Variants in ATXN2 observed in about 807,000 individuals in gnomAD.
The protein encoded by ATXN2 is ataxin 2, also known as ataxin-2.
In ATXN2, 37 loss-of-function variants were observed where a neutral mutation model predicts 138.6. The observed-to-expected ratio is 0.27, with a 90% confidence interval of 0.21 to 0.35. ATXN2 has a LOEUF of 0.35. Ranked by LOEUF, ATXN2 falls within the 10% of genes least tolerant of loss-of-function variation. ATXN2 has a pLI of 1.00. For missense variants in ATXN2, 1,216 were observed against 1,480.3 expected, an observed-to-expected ratio of 0.82 and a Z score of 2.93; for synonymous variants, 549 against 543.7, an observed-to-expected ratio of 1.01 and a Z score of -0.13.
At chr12:111,491,837 G>A (rs1002308250) in intron 14 of ATXN2, among the ~76,000 whole-genome samples, 1 of 152,140 alleles carries the variant, frequency 6.6e-6, no homozygotes, top group African/African-American at 2.4e-5. Flanking sequence ...GGTGAGAGAA[G>A]AGTAAAAAGG....
At chr12:111,525,676 C>T (rs2135747657) in intron 5 of ATXN2, among the ~76,000 whole-genome samples, 1 of 145,466 alleles carries the variant, frequency 6.9e-6, no homozygotes, top group South Asian at 2.2e-4. Context: ...AATTTTAAGC[C>T]ACACGAAGCA....
chr12:111,547,141 C>T (rs777914223), intron 5 of ATXN2, among the ~76,000 whole-genome samples: 3 of 152,136 alleles, frequency 2.0e-5, no homozygotes, highest in Admixed American at 2.0e-4. Context: ...AAAAGGTTTC[C>T]CCAGCAGCCG....
chr12:111,596,984 T>C (rs1884969322), intron 1 of ATXN2, among the ~76,000 whole-genome samples: 1 of 152,190 alleles, frequency 6.6e-6, no homozygotes, highest in African/African-American at 2.4e-5. Context: ...CCTAAGAAAG[T>C]AAAAACAGAA....
Position 111,470,622 on chromosome 12 carries a change from G to C in ATXN2, c.2645C>G (p.Ala882Gly). The C allele has an allele frequency of 6.2e-7, 1 of 1,614,152 alleles. No homozygotes were observed. Residue 882 changes from alanine (A) to glycine (G), a missense_variant, in exon 19 of 25, where the codon GCC (alanine) becomes GGC (glycine). By Grantham distance (60) the Ala-to-Gly change is moderately conservative (BLOSUM62 0). Coordinates refer to ENST00000673436, the MANE Select transcript of ATXN2 (RefSeq NM_001372574.1). ...ATTTGGGAACTGCTGAGGACTGTAGGCAACATATTGCGTGGAGTAAGCTGG... is the reference window on the plus strand; with the variant it reads ...ATTTGGGAACTGCTGAGGACTGTAGCCAACATATTGCGTGGAGTAAGCTGG... ...TPPAYSTQYV[A>G]YSPQQFPNQP...
chr12:111,495,308 C>CAAA lies in ATXN2; in HGVS notation c.1936-6531_1936-6529dup, dbSNP rs374203441. Among the ~76,000 whole-genome samples the CAAA allele has an allele frequency of 2.1e-3, 125 of 60,350 alleles. 3 individuals are homozygous for CAAA. In the East Asian group the frequency reaches 0.026, roughly 13 times the overall value. The allele number at this position is 60,350 out of a possible 152,430, so 39.6% of individuals were successfully genotyped here. On this transcript the variant is annotated intron_variant, in intron 14 of 24. Transcript: ENST00000673436. ...GGGCAACAATAGCAAAACTCTGTCT[C>CAAA]AAAAAAAAAAAAAAAAAAACCAAAG...
intron 18 of ATXN2, among the ~76,000 whole-genome samples, chr12:111,475,540 A>C (rs1453473308): frequency 7.6e-6 from 1 of 131,210 alleles, no homozygotes; most frequent in African/African-American, 2.9e-5. Context: ...CCCAGGCTGG[A>C]GTACAGGTGC....
intron 5 of ATXN2, among the ~76,000 whole-genome samples, chr12:111,538,296 T>A (rs1259868092): frequency 6.6e-6 from 1 of 152,166 alleles, no homozygotes; most frequent in East Asian, 1.9e-4. Context: ...ATTCTTCAGT[T>A]AAAATTCAAG....
rs543924500 is a variant in ATXN2, at chr12:111,583,493, C to G, written c.251+15291G>C. ...CTGAAGAGTGAACCATGGCCAGGCA[C>G]GGTAGATCATGCCTGTAATCCCAGC... On this transcript the variant is annotated intron_variant, in intron 1 of 24. Coordinates refer to ENST00000673436, the MANE Select transcript of ATXN2 (RefSeq NM_001372574.1). 5.9e-5 allele frequency among the ~76,000 whole-genome samples: 9 copies of G among 152,024 alleles called. No individual in the cohort carries two copies. In the South Asian group the frequency reaches 1.0e-3, roughly 18 times the overall value.
chr12:111,506,172 T>C (rs1031436153), intron 14 of ATXN2, among the ~76,000 whole-genome samples: 1 of 152,132 alleles, frequency 6.6e-6, no homozygotes, highest in South Asian at 2.1e-4. Context: ...AGAAAGTAGA[T>C]TAACGGTTGC....
intron 10 of ATXN2, among the ~76,000 whole-genome samples, chr12:111,514,976 T>A (rs540789924): frequency 2.3e-3 from 358 of 152,360 alleles, no homozygotes; most frequent in African/African-American, 8.4e-3. Flanking sequence ...GATCATGTTT[T>A]ATTTAATATA....
At position 111,513,473 on chromosome 12, in the gene ATXN2, C is replaced by G; in HGVS notation, c.1442G>C (p.Gly481Ala). 6.2e-7 allele frequency: 1 copy of G among 1,613,974 alleles called. No homozygotes were observed. The highest frequency in any genetic ancestry group is 8.5e-7 in the Non-Finnish European group (1 of 1,179,994). ...AAATTCTAGGCCACTGGATATGGAA[C>G]CCCTCCCAGCAGAAACTCTGTGATT... is the stretch of plus-strand genomic sequence containing the variant. ...PRNHRVSAGR[G>A]SISSGLEFVS... The change falls in exon 11 of 25, where the codon GGT becomes GCT. Residue 481 changes from glycine to alanine, a missense_variant. By Grantham distance (60) the Gly-to-Ala change is moderately conservative. This residue lies in a region of ATXN2 where 215 missense variants were observed against 210.0 expected (regional missense o/e 1.02). Transcript: ENST00000673436.
Position 111,599,127 on chromosome 12 carries a change from G to A in ATXN2, c.-93C>T. 1 of 1,228,120 alleles carries A rather than the reference G, an allele frequency of 8.1e-7. No homozygotes were observed. Among genetic ancestry groups the A allele is most frequent in the Non-Finnish European group, 1.0e-6 (1 of 985,776 alleles). The allele number at this position is 1,228,120 out of a possible 1,614,324, so 76.1% of individuals were successfully genotyped here. The stretch of plus-strand genomic sequence containing the variant: ...ACGCCGGAACGCGGCGGGGACGCGC[G>A]GGCGCCGAGCGGGGAGGCGCGGGTT... On this transcript the variant is annotated 5_prime_UTR_variant, in exon 1 of 25. Transcript: ENST00000673436.
intron 6 of ATXN2, among the ~76,000 whole-genome samples, chr12:111,522,227 A>AT (rs1880198409): frequency 9.5e-6 from 1 of 105,480 alleles, no homozygotes; most frequent in Admixed American, 8.7e-5. Flanking sequence ...TATGCCCTAC[A>AT]TAAAAAAAAA....
At chr12:111,468,546 T>C (rs954272607) in intron 20 of ATXN2, 2 of 152,168 alleles carry the variant, frequency 1.3e-5, no homozygotes, top group Non-Finnish European at 2.9e-5. Flanking sequence ...AAGCTGTGGG[T>C]TACAGGTGAC....
intron 1 of ATXN2, among the ~76,000 whole-genome samples, chr12:111,567,964 T>C (rs973884844): frequency 6.6e-6 from 1 of 152,040 alleles, no homozygotes; most frequent in Non-Finnish European, 1.5e-5. Flanking sequence ...CATTATTGTT[T>C]CAACAACTGG....
At chr12:111,542,099 T>C (rs980724724) in intron 5 of ATXN2, among the ~76,000 whole-genome samples, 3 of 152,130 alleles carry the variant, frequency 2.0e-5, no homozygotes, top group African/African-American at 4.8e-5. Flanking sequence ...AGAGATTTAT[T>C]TGAGGAAAAT....
intron 14 of ATXN2, among the ~76,000 whole-genome samples, chr12:111,491,411 T>C (rs770133894): frequency 6.6e-6 from 1 of 152,190 alleles, no homozygotes; most frequent in South Asian, 2.1e-4. Context: ...GGACTTGGGG[T>C]ACATGTGACC....
chr12:111,566,286 G>C (rs965329810), intron 1 of ATXN2, among the ~76,000 whole-genome samples: 1 of 151,792 alleles, frequency 6.6e-6, no homozygotes, highest in African/African-American at 2.4e-5. Flanking sequence ...TACAAAATTA[G>C]GTGGGCATGG....
At chr12:111,476,853 A>C (rs1203157935) in intron 18 of ATXN2, among the ~76,000 whole-genome samples, 1 of 152,220 alleles carries the variant, frequency 6.6e-6, no homozygotes, top group African/African-American at 2.4e-5. Context: ...TGATTCTAAA[A>C]TTTATTTGCA....
Sources: gnomAD v4.1 joint callset for allele counts (sites outside exome capture counted in the v4.1 genomes callset) on GRCh38, gnomAD v4.1.1 for gene constraint, gnomAD v4.1.1 regional missense constraint, MANE v1.5 for transcripts, NCBI Gene and HGNC (gene_info 2026-07-23, HGNC 2026-07-21) for gene names.